Variants in NOX5 observed in about 807,000 individuals in gnomAD.
NOX5 encodes NADPH oxidase 5.
In NOX5, 76 loss-of-function variants were observed where a neutral mutation model predicts 85.7. The ratio of observed to expected loss-of-function variants is 0.89; its 90% confidence interval spans 0.74 to 1.07. NOX5 has a LOEUF of 1.07. Ranked by LOEUF, NOX5 falls within the 50% of genes least tolerant of loss-of-function variation. The probability of loss-of-function intolerance (pLI) is 0.00; values close to 1 mark genes in which losing one functional copy is unlikely to be tolerated. For synonymous variants in NOX5, 405 were observed against 401.4 expected (o/e 1.01, Z -0.11); for missense variants, 973 against 999.5 (o/e 0.97, Z 0.36).
intron 1 of NOX5, among the ~76,000 whole-genome samples, chr15:69,019,808 T>G (rs541616050): frequency 6.6e-6 from 1 of 152,230 alleles, no homozygotes; most frequent in Non-Finnish European, 1.5e-5. Flanking sequence ...TAGGATACAT[T>G]CCTAAAAATT....
Position 69,042,709 on chromosome 15 carries a change from G to T in NOX5, c.1551G>T (p.Arg517Ser), listed in dbSNP as rs1338330106. The T allele has an allele frequency of 6.2e-7, 1 of 1,614,060 alleles. No individual in the cohort carries two copies. The highest frequency in any genetic ancestry group is 1.7e-5 in the Admixed American group (1 of 60,014). ...GGTCCCAAGGCCAGTGGACAAACAG[G>T]CTGTATGAGTCCTTCAAGGCATCAG... ...HIRSQGQWTNRLYESFKASDP... is the reference protein window; with the variant it reads ...HIRSQGQWTNSLYESFKASDP... The change falls in exon 10 of 16, where the codon AGG becomes AGT. Residue 517 changes from arginine to serine, a missense_variant. Transcript: ENST00000388866.
chr15:69,033,047 G>A lies in NOX5; in HGVS notation c.625G>A (p.Ala209Thr). 6.4e-7 allele frequency: 1 copy of A among 1,555,368 alleles called. No homozygotes were observed. The highest frequency in any genetic ancestry group is 8.6e-7 in the Non-Finnish European group (1 of 1,165,186). ...CGGAACCCGCCTCTCTCGCAGCGCT[G>A]CCCACTGGCTGACGGCCCCCGCCCC... ...GVMENLTISAAHWLTAPAPRP... is the reference protein window; with the variant it reads ...GVMENLTISATHWLTAPAPRP... Residue 209 changes from alanine to threonine, a missense_variant, in exon 5 of 16, where the codon GCC becomes ACC. Ala to Thr is a moderately conservative substitution (Grantham distance 58). Coordinates refer to ENST00000388866, the MANE Select transcript of NOX5 (RefSeq NM_024505.4).
chr15:69,026,601 G>C lies in NOX5; in HGVS notation c.124G>C (p.Asp42His). The C allele has an allele frequency of 6.2e-7, 1 of 1,614,214 alleles. No individual in the cohort carries two copies. Among genetic ancestry groups the C allele is most frequent in the Non-Finnish European group, 8.5e-7 (1 of 1,180,034 alleles). ...GCAGTTTAAGACCATTGCAGGAGAAGATGGGGAGATCAGCCTGCAAGAATT... is the reference window on the plus strand; with the variant it reads ...GCAGTTTAAGACCATTGCAGGAGAACATGGGGAGATCAGCCTGCAAGAATT... ...TQQFKTIAGE[D>H]GEISLQEFKA... is the part of the protein sequence containing the mutation. Residue 42 changes from aspartate to histidine, a missense_variant, in exon 2 of 16, where the codon GAT becomes CAT. Asp to His is a moderately conservative substitution (Grantham distance 81). Coordinates refer to ENST00000388866, the MANE Select transcript of NOX5 (RefSeq NM_024505.4).
intron 3 of NOX5, 121 bp from the exon 4 acceptor site, chr15:69,031,397 G>A: frequency 1.7e-6 from 2 of 1,144,564 alleles, no homozygotes; most frequent in Non-Finnish European, 2.5e-6. Context: ...CGGGAACATG[G>A]AAGGTTTCTG....
intron 4 of NOX5, among the ~76,000 whole-genome samples, chr15:69,032,409 CTT>C (rs1210362821): frequency 1.1e-3 from 164 of 142,712 alleles, no homozygotes; most frequent in African/African-American, 3.8e-3. Context: ...TGTGTATTAA[CTT>C]TTTTTTTTTT....
At chr15:69,033,788 G>A (rs1367477756) in intron 5 of NOX5, among the ~76,000 whole-genome samples, 2 of 145,534 alleles carry the variant, frequency 1.4e-5, no homozygotes, top group African/African-American at 2.6e-5. Flanking sequence ...TTTGCCTCCC[G>A]GGTTCAAGCG....
chr15:69,024,664 A>C (rs1165153232), intron 1 of NOX5, among the ~76,000 whole-genome samples: 1 of 152,172 alleles, frequency 6.6e-6, no homozygotes, highest in African/African-American at 2.4e-5. Flanking sequence ...TTAATTTCTT[A>C]CTGTAGCTAA....
At chr15:69,039,385 G>T (rs12437624) in intron 9 of NOX5, among the ~76,000 whole-genome samples, 8 of 151,744 alleles carry the variant, frequency 5.3e-5, no homozygotes, top group African/African-American at 1.9e-4. Flanking sequence ...GGGGTGGCGG[G>T]GGGTAGGCAG....
intron 14 of NOX5, among the ~76,000 whole-genome samples, chr15:69,052,708 C>T (rs978030605): frequency 6.6e-6 from 1 of 152,138 alleles, no homozygotes; most frequent in African/African-American, 2.4e-5. Flanking sequence ...ACATTCAGAG[C>T]CTTAAAGTTC....
At chr15:69,041,826 T>C (rs546986032) in intron 9 of NOX5, among the ~76,000 whole-genome samples, 44 of 152,340 alleles carry the variant, frequency 2.9e-4, no homozygotes, top group African/African-American at 1.0e-3. Context: ...CCAACACAAA[T>C]TCATAAACTT....
chr15:69,046,946 G>C (rs1212259984), intron 11 of NOX5, 80 bp downstream of exon 11: 1 of 1,496,604 alleles, frequency 6.7e-7, no homozygotes, highest in Non-Finnish European at 9.3e-7. Context: ...TTAAGGAGGG[G>C]CTGTTGTGGT....
At chr15:69,023,278 C>G (rs2140248521) in intron 1 of NOX5, 1 of 246,208 alleles carries the variant, frequency 4.1e-6, no homozygotes, top group Middle Eastern at 1.1e-3. Flanking sequence ...GATCAACTCT[C>G]AGAGGGTAAG....
At chr15:69,024,242 A>G (rs2050328927) in intron 1 of NOX5, 1 of 152,202 alleles carries the variant, frequency 6.6e-6, no homozygotes, top group Non-Finnish European at 1.5e-5. Context: ...TTTTTAAAAA[A>G]TAAAAAGGAA....
chr15:69,043,952 G>A (rs1228368441), intron 10 of NOX5, among the ~76,000 whole-genome samples: 1 of 152,164 alleles, frequency 6.6e-6, no homozygotes, highest in South Asian at 2.1e-4. Context: ...TTGGGAGGCC[G>A]AGGCTGGCGG....
At chr15:69,021,962 G>T (rs546194136) in intron 1 of NOX5, among the ~76,000 whole-genome samples, 2 of 152,332 alleles carry the variant, frequency 1.3e-5, no homozygotes, top group East Asian at 3.9e-4. Flanking sequence ...GGGAGAATTT[G>T]TGAAAGCTCT....
intron 10 of NOX5, among the ~76,000 whole-genome samples, chr15:69,043,153 G>A (rs976144016): frequency 3.9e-5 from 6 of 152,180 alleles, no homozygotes; most frequent in South Asian, 2.1e-4. Flanking sequence ...AATAGAAGTC[G>A]TTTCCTCTGT....
At chr15:69,056,418 C>G in intron 15 of NOX5, 147 bp from the exon 16 acceptor site, 1 of 1,002,758 alleles carries the variant, frequency 1.0e-6, no homozygotes, top group Non-Finnish European at 1.5e-6. Flanking sequence ...TAAAACCCAG[C>G]AGCTGTGCCA....
At chr15:69,055,649 C>A in intron 15 of NOX5, 149 bp downstream of exon 15, 1 of 755,874 alleles carries the variant, frequency 1.3e-6, no homozygotes, top group Non-Finnish European at 2.1e-6. Flanking sequence ...GAAAGGTAAA[C>A]AGGGCACCTA....
In NOX5 at chr15:69,037,155, C is replaced by G; in HGVS notation, c.1316C>G (p.Ala439Gly). ...TTCCTGGAGAAGGCCATCGGACTGG[C>G]AGTGTCCCGCATGGCAGCCGTGTGC... is the stretch of plus-strand genomic sequence containing the variant. Reference protein sequence around the residue: ...LFFLEKAIGLAVSRMAAVCIM... With the variant: ...LFFLEKAIGLGVSRMAAVCIM... Residue 439 changes from alanine to glycine, a missense_variant, in exon 8 of 16, where the codon GCA becomes GGA. Ala to Gly is a moderately conservative substitution (Grantham distance 60). Coordinates refer to ENST00000388866, the MANE Select transcript of NOX5 (RefSeq NM_024505.4). The G allele has an allele frequency of 6.2e-7, 1 of 1,614,024 alleles. No homozygotes were observed. The highest frequency in any genetic ancestry group is 8.5e-7 in the Non-Finnish European group (1 of 1,180,024).
Sources: gnomAD v4.1 joint callset for allele counts (sites outside exome capture counted in the v4.1 genomes callset) on GRCh38, gnomAD v4.1.1 for gene constraint, MANE v1.5 for transcripts, NCBI Gene and HGNC (gene_info 2026-07-23, HGNC 2026-07-21) for gene names.